The following STAU2 variants were observed in gnomAD, a reference collection of about 807,000 sequenced individuals.
The protein encoded by STAU2 is double-stranded RNA-binding protein Staufen homolog 2.
A neutral mutation model predicts 65.9 loss-of-function variants in STAU2; 20 were observed. The ratio of observed to expected loss-of-function variants is 0.30; its 90% CI spans 0.21 to 0.44. The LOEUF (loss-of-function observed/expected upper bound fraction) is 0.44. Among genes scored for constraint, STAU2 ranks in the 20% least tolerant of loss-of-function variants. STAU2 has a pLI of 1.00. For missense variants in STAU2, 558 were observed against 683.9 expected, an observed-to-expected ratio of 0.82 and a Z score of 2.05; for synonymous variants, 232 against 233.9, an observed-to-expected ratio of 0.99 and a Z score of 0.07.
At chr8:73,670,436 C>T (rs1011760124) in intron 6 of STAU2, 1 of 151,838 alleles carries the variant, frequency 6.6e-6, no homozygotes, top group African/African-American at 2.4e-5. Context: ...GTGGACAAGG[C>T]ACACGACCAC....
intron 2 of STAU2, among the ~76,000 whole-genome samples, chr8:73,739,151 T>C (rs966845797): frequency 1.3e-5 from 2 of 148,390 alleles, no homozygotes; most frequent in African/African-American, 5.0e-5. Context: ...GAGAATTGCT[T>C]GAACCCAGGA....
At chr8:73,705,444 C>T (rs1563519086) in intron 4 of STAU2, among the ~76,000 whole-genome samples, 1 of 152,080 alleles carries the variant, frequency 6.6e-6, no homozygotes, top group Non-Finnish European at 1.5e-5. Context: ...GAAACTTAGC[C>T]AGGCTTACCA....
At chr8:73,516,653 G>C (rs992298091) in intron 13 of STAU2, among the ~76,000 whole-genome samples, 2 of 152,132 alleles carry the variant, frequency 1.3e-5, no homozygotes, top group Non-Finnish European at 1.5e-5. Context: ...ATGGGGAGAG[G>C]CATGACTTAA....
chr8:73,726,944 G>A (rs12678504), intron 3 of STAU2, among the ~76,000 whole-genome samples: 31,295 of 152,026 alleles, frequency 0.21, 3,614 homozygotes, highest in East Asian at 0.37. Context: ...CAAAGTGAAC[G>A]TTCGGCTGGG....
chr8:73,532,201 T>C (rs575401528), intron 13 of STAU2, among the ~76,000 whole-genome samples: 1 of 152,312 alleles, frequency 6.6e-6, no homozygotes, highest in Admixed American at 6.5e-5. Flanking sequence ...AACCTGACTC[T>C]AAGTTTCAAC....
In STAU2 at chr8:73,420,966, TGA is replaced by T. The variant is rs779211419; in HGVS notation, c.*404_*405del. On this transcript the variant is annotated 3_prime_UTR_variant, in exon 15 of 15. Coordinates refer to ENST00000524300, the MANE Select transcript of STAU2 (RefSeq NM_001164380.2). ...TCGAATTGTCAAGCAGTATTTGAAA[TGA>T]GAGAGAGAGAGAATATAACTGAACA... The T allele has an allele frequency of 7.7e-4, 127 of 165,032 alleles. No homozygotes were observed. The highest frequency in any genetic ancestry group is 2.8e-3 in the Middle Eastern group (1 of 356). The allele number at this position is 165,032 out of a possible 1,614,324, so 10.2% of individuals were successfully genotyped here.
chr8:73,436,841 C>T (rs1385855338), intron 13 of STAU2, among the ~76,000 whole-genome samples: 2 of 152,062 alleles, frequency 1.3e-5, no homozygotes, highest in African/African-American at 4.8e-5. Context: ...CCCGCCTCAA[C>T]CTCCCAAAGT....
intron 13 of STAU2, among the ~76,000 whole-genome samples, chr8:73,470,545 C>T (rs1224885094): frequency 1.3e-5 from 2 of 152,186 alleles, no homozygotes; most frequent in African/African-American, 2.4e-5. Flanking sequence ...CGCCTGTAAT[C>T]CCAACAATTT....
At chr8:73,639,345 G>A (rs1814786906) in intron 6 of STAU2, among the ~76,000 whole-genome samples, 2 of 152,068 alleles carry the variant, frequency 1.3e-5, no homozygotes, top group Non-Finnish European at 2.9e-5. Context: ...GTATACAATT[G>A]TTTCTATGCT....
At chr8:73,572,302 C>G (rs1280515670) in intron 12 of STAU2, among the ~76,000 whole-genome samples, 2 of 152,186 alleles carry the variant, frequency 1.3e-5, no homozygotes, top group Non-Finnish European at 2.9e-5. Context: ...GGATTCACAG[C>G]TGAATTCTAC....
At chr8:73,579,969 A>C (rs1809861624) in intron 12 of STAU2, among the ~76,000 whole-genome samples, 1 of 152,194 alleles carries the variant, frequency 6.6e-6, no homozygotes, top group African/African-American at 2.4e-5. Context: ...TCCACTTAAA[A>C]AATTAAATGC....
chr8:73,450,634 A>T (rs984203991), intron 13 of STAU2, among the ~76,000 whole-genome samples: 7 of 152,310 alleles, frequency 4.6e-5, no homozygotes, highest in Admixed American at 1.3e-4. Context: ...ATGTTCTTTG[A>T]TTTTCATCAT....
At chr8:73,585,077 A>G (rs1810263271) in intron 11 of STAU2, among the ~76,000 whole-genome samples, 2 of 152,240 alleles carry the variant, frequency 1.3e-5, no homozygotes, top group African/African-American at 2.4e-5. Context: ...AATTAGCCAC[A>G]GGATTCTAGT....
chr8:73,616,136 C>T (rs1248893845), intron 7 of STAU2, among the ~76,000 whole-genome samples: 1 of 152,114 alleles, frequency 6.6e-6, no homozygotes, highest in Admixed American at 6.5e-5. Context: ...CACTGGTGTT[C>T]TAATGTGATC....
At chr8:73,692,895 T>C (rs189675181) in intron 4 of STAU2, among the ~76,000 whole-genome samples, 3 of 152,234 alleles carry the variant, frequency 2.0e-5, no homozygotes, top group Admixed American at 2.0e-4. Flanking sequence ...TGTGGTGGCT[T>C]ATGCCTGGAA....
At chr8:73,527,224 A>T (rs1805505235) in intron 13 of STAU2, 1 of 156,288 alleles carries the variant, frequency 6.4e-6, no homozygotes, top group African/African-American at 2.4e-5. Context: ...ACATTCTGTG[A>T]TGCTTGCACA....
chr8:73,550,811 C>T (rs1033572160), intron 13 of STAU2: 13 of 987,294 alleles, frequency 1.3e-5, no homozygotes, highest in African/African-American at 5.2e-5. Context: ...ACACTAACAA[C>T]TACCTGGCAA....
At chr8:73,630,294 C>T (rs1030009442) in intron 6 of STAU2, among the ~76,000 whole-genome samples, 2 of 152,198 alleles carry the variant, frequency 1.3e-5, no homozygotes, top group Non-Finnish European at 2.9e-5. Context: ...TTCCAGGATG[C>T]ACACTAAGCT....
intron 3 of STAU2, among the ~76,000 whole-genome samples, chr8:73,720,987 A>T (rs1586348560): frequency 6.6e-6 from 1 of 151,502 alleles, no homozygotes; most frequent in African/African-American, 2.4e-5. Context: ...TTCATTTAAG[A>T]CTTGTTTCAT....
Sources: gnomAD v4.1 joint callset for allele counts (sites outside exome capture counted in the v4.1 genomes callset) on GRCh38, gnomAD v4.1.1 for gene constraint, MANE v1.5 for transcripts, NCBI Gene and HGNC (gene_info 2026-07-23, HGNC 2026-07-21) for gene names.